ABCC4: variants seen among roughly 807,000 people sequenced by gnomAD.
ABCC4 encodes ATP binding cassette subfamily C member 4 (PEL blood group), also known as ATP-binding cassette sub-family C member 4.
In ABCC4, 102 loss-of-function variants were observed where a neutral mutation model predicts 168.5. The observed-to-expected ratio is 0.61, with a 90% CI of 0.52 to 0.71. The LOEUF (loss-of-function observed/expected upper bound fraction) is 0.71. Ranked by LOEUF, ABCC4 falls within the 30% of genes least tolerant of loss-of-function variation. ABCC4 has a pLI of 0.00. For synonymous variants in ABCC4, 617 were observed against 590.7 expected (o/e 1.04, Z -0.65); for missense variants, 1,402 against 1,605.8 (o/e 0.87, Z 2.17).
Position 95,177,754 on chromosome 13 carries a change from A to G in ABCC4, c.1680T>C (p.Asp560=), listed in dbSNP as rs532726584. 4 of 1,611,996 alleles carry G rather than the reference A, an allele frequency of 2.5e-6. No homozygotes were observed. The South Asian group carries it at 3.3e-5, about 13-fold the overall frequency. The part of the protein sequence containing the change: ...YQDADIYLLD[D]PLSAVDAEVS... ...CTTCCGCATCTACTGCACTGAGAGGATCGTCCAGGAGATAGATGTCAGCAT... is the reference window on the plus strand; with the variant it reads ...CTTCCGCATCTACTGCACTGAGAGGGTCGTCCAGGAGATAGATGTCAGCAT... Residue 560 remains aspartate, a synonymous_variant, in exon 13 of 31, where the codon GAT becomes GAC. Transcript: ENST00000645237.
chr13:95,082,858 C>T (rs564394155), intron 21 of ABCC4, among the ~76,000 whole-genome samples: 6 of 152,232 alleles, frequency 3.9e-5, no homozygotes, highest in East Asian at 1.9e-4. Context: ...AAACAAGACA[C>T]GGAGAGTCCC....
chr13:95,271,447 T>A (rs1256199936), intron 1 of ABCC4, among the ~76,000 whole-genome samples: 1 of 152,146 alleles, frequency 6.6e-6, no homozygotes, highest in East Asian at 1.9e-4. Context: ...CCGTCAGCTG[T>A]GCCATTCTTA....
chr13:95,266,616 G>A (rs2040681711), intron 1 of ABCC4, among the ~76,000 whole-genome samples: 2 of 152,092 alleles, frequency 1.3e-5, no homozygotes, highest in Admixed American at 6.5e-5. Context: ...CATGTGACAG[G>A]GCTGAGACTA....
At chr13:95,218,344 C>T (rs183897186) in intron 4 of ABCC4, among the ~76,000 whole-genome samples, 2 of 152,280 alleles carry the variant, frequency 1.3e-5, no homozygotes, top group Admixed American at 1.3e-4. Context: ...GGCTAATATC[C>T]TCCTTCCTCG....
rs200865691 is a variant in ABCC4 at position 95,034,707 on chromosome 13, A to G, written c.3768T>C (p.Asp1256=). The change falls in exon 30 of 31, where the codon GAT becomes GAC. Residue 1256 remains aspartate, a synonymous_variant. Transcript: ENST00000645237. The part of the protein sequence containing the change: ...VLDSGRLKEY[D]EPYVLLQNKE... ...TATTTTGCAGCAAAACATACGGCTC[A>G]TCATATTCTTTCAGTCTTCCTGAAT... 829 of 1,614,122 alleles carry G rather than the reference A, an allele frequency of 5.1e-4. No individual in the cohort carries two copies. Among genetic ancestry groups the G allele is most frequent in the Admixed American group, 8.0e-4 (48 of 60,002 alleles).
rs55651091 is a variant in ABCC4, at chr13:95,124,562, TAAAAAAAA to T, written c.2456-8569_2456-8562del. Among the ~76,000 whole-genome samples the T allele has an allele frequency of 8.8e-3, 1,074 of 121,876 alleles. 15 individuals carry two copies. Among genetic ancestry groups the T allele is most frequent in the African/African-American group, 0.031 (945 of 30,216 alleles). The allele number at this position is 121,876 out of a possible 152,430, so 80.0% of individuals were successfully genotyped here. On this transcript the variant is annotated intron_variant, in intron 19 of 30. Coordinates refer to ENST00000645237, the MANE Select transcript of ABCC4 (RefSeq NM_005845.5). ...AGGGAGCAAGAAATGCCCCCTTTCT[TAAAAAAAA>T]AAAAAAAAAAAAAAAAGGCTGGGCA...
At chr13:95,176,191 C>A (rs1029156003) in intron 13 of ABCC4, among the ~76,000 whole-genome samples, 3 of 130,642 alleles carry the variant, frequency 2.3e-5, no homozygotes, top group African/African-American at 8.9e-5. Flanking sequence ...GGGGCTCACA[C>A]CTGTAATCTC....
intron 11 of ABCC4, among the ~76,000 whole-genome samples, chr13:95,178,655 A>G (rs1261509238): frequency 1.3e-5 from 2 of 152,198 alleles, no homozygotes; most frequent in Admixed American, 6.5e-5. Context: ...TACGTGCCCA[A>G]GGTGTTCACA....
chr13:95,201,647 T>A (rs2038629130), intron 8 of ABCC4, among the ~76,000 whole-genome samples: 2 of 152,122 alleles, frequency 1.3e-5, no homozygotes. Context: ...AAGTCACGTA[T>A]GGAGAGCCCA....
At chr13:95,024,228 A>AGG (rs2031265758) in intron 30 of ABCC4, among the ~76,000 whole-genome samples, 1 of 151,036 alleles carries the variant, frequency 6.6e-6, no homozygotes, top group Non-Finnish European at 1.5e-5. Flanking sequence ...AAAAAAAAAA[A>AGG]GTTACTCAGC....
chr13:95,220,193 A>G (rs2039275754), intron 4 of ABCC4, among the ~76,000 whole-genome samples: 1 of 152,042 alleles, frequency 6.6e-6, no homozygotes, highest in South Asian at 2.1e-4. Flanking sequence ...AGAATATTAT[A>G]AGAAACAAAT....
rs575081939 is a variant in ABCC4 at position 95,034,700 on chromosome 13, A to C, written c.3775T>G (p.Tyr1259Asp). 1.9e-5 allele frequency: 31 copies of C among 1,614,240 alleles called. No homozygotes were observed. In the South Asian group the frequency reaches 3.3e-4, roughly 17 times the overall value. Residue 1259 changes from tyrosine to aspartate, a missense_variant, in exon 30 of 31, where the codon TAT becomes GAT. Tyr to Asp is a radical substitution (Grantham distance 160, BLOSUM62 -3). This residue lies in a region of ABCC4 where 1,007 missense variants were observed against 1,127.3 expected (regional missense o/e 0.89). Coordinates refer to ENST00000645237, the MANE Select transcript of ABCC4 (RefSeq NM_005845.5). ...SGRLKEYDEP[Y>D]VLLQNKESLF... The stretch of plus-strand genomic sequence containing the variant: ...CTCTCTTTATTTTGCAGCAAAACAT[A>C]CGGCTCATCATATTCTTTCAGTCTT...
chr13:95,164,060 AAGAAAG>A (rs1566480642), intron 16 of ABCC4, among the ~76,000 whole-genome samples: 100 of 128,100 alleles, frequency 7.8e-4, no homozygotes, highest in African/African-American at 2.4e-3. Context: ...AAAAAAAAGA[AAGAAAG>A]AAAGAAAGAA....
intron 19 of ABCC4, among the ~76,000 whole-genome samples, chr13:95,159,263 CTT>C (rs972519578): frequency 5.3e-5 from 8 of 151,208 alleles, no homozygotes; most frequent in African/African-American, 1.9e-4. Context: ...CATTAAAAAA[CTT>C]TTAATTTTTA....
At chr13:95,158,372 T>C (rs2036949206) in intron 19 of ABCC4, among the ~76,000 whole-genome samples, 1 of 152,148 alleles carries the variant, frequency 6.6e-6, no homozygotes, top group Non-Finnish European at 1.5e-5. Flanking sequence ...TCACTGAGAA[T>C]ATTCCAGCAC....
chr13:95,257,902 G>T (rs2040432244), intron 1 of ABCC4, among the ~76,000 whole-genome samples: 1 of 152,118 alleles, frequency 6.6e-6, no homozygotes, highest in South Asian at 2.1e-4. Flanking sequence ...CTGTCCCTGG[G>T]AAATAAATAT....
intron 20 of ABCC4, among the ~76,000 whole-genome samples, chr13:95,105,000 T>C (rs2034952912): frequency 6.6e-6 from 1 of 152,124 alleles, no homozygotes. Flanking sequence ...GTACTTTATT[T>C]CTATTATTAT....
chr13:95,021,721 A>C (rs1235187872), intron 30 of ABCC4, 39 bp from the exon 31 acceptor site: 1 of 1,464,510 alleles, frequency 6.8e-7, no homozygotes, highest in East Asian at 2.3e-5. Flanking sequence ...GAATGTTTCA[A>C]AATTTTAAAG....
At chr13:95,166,886 A>C (rs557913741) in intron 14 of ABCC4, among the ~76,000 whole-genome samples, 1 of 152,082 alleles carries the variant, frequency 6.6e-6, no homozygotes, top group South Asian at 2.1e-4. Context: ...CACGGTCTTT[A>C]CTCTAAAATT....
Sources: gnomAD v4.1 joint callset for allele counts (sites outside exome capture counted in the v4.1 genomes callset) on GRCh38, gnomAD v4.1.1 for gene constraint, gnomAD v4.1.1 regional missense constraint, MANE v1.5 for transcripts, NCBI Gene and HGNC (gene_info 2026-07-23, HGNC 2026-07-21) for gene names.